The following IQCM variants were observed in gnomAD, a reference collection of about 807,000 sequenced individuals.
IQCM encodes IQ motif containing M.
Under a neutral mutation model 57.6 loss-of-function variants are expected in IQCM, and 45 were observed. That is an observed-to-expected ratio of 0.78 (90% confidence interval 0.62 to 1.00). IQCM has a LOEUF of 1.00. Among genes scored for constraint, IQCM ranks in the 50% least tolerant of loss-of-function variants. IQCM has a pLI of 0.00. For missense variants in IQCM, 468 were observed against 511.6 expected, an observed-to-expected ratio of 0.91 and a Z score of 0.82; for synonymous variants, 148 against 158.9, an observed-to-expected ratio of 0.93 and a Z score of 0.51.
At chr4:149,626,266 C>G (rs1032448058) in intron 7 of IQCM, among the ~76,000 whole-genome samples, 5 of 151,800 alleles carry the variant, frequency 3.3e-5, no homozygotes, top group Non-Finnish European at 7.4e-5. Context: ...TTCCTGCCCT[C>G]GAACATCAGA....
rs1234243205 is a variant in IQCM, at chr4:149,565,140, A to C, written c.750-1250T>G. Reference sequence around the variant, plus strand: ...TCCACTGACTGAGATGCCCAGGTCAATTCATTCACCAGGGCTGAGTCTTGC... The same window carrying C: ...TCCACTGACTGAGATGCCCAGGTCACTTCATTCACCAGGGCTGAGTCTTGC... On this transcript the variant is annotated intron_variant, in intron 9 of 13. Transcript: ENST00000636793. 2.0e-5 allele frequency among the ~76,000 whole-genome samples: 3 copies of C among 152,108 alleles called. No individual in the cohort carries two copies. In the East Asian group the frequency reaches 5.8e-4, roughly 29 times the overall value.
At chr4:149,606,176 G>A (rs1754759349) in intron 8 of IQCM, among the ~76,000 whole-genome samples, 1 of 151,974 alleles carries the variant, frequency 6.6e-6, no homozygotes, top group Non-Finnish European at 1.5e-5. Context: ...CCTGCATAAT[G>A]CCATTTGTGA....
chr4:149,536,692 C>T (rs970672535), intron 12 of IQCM, among the ~76,000 whole-genome samples: 1 of 151,798 alleles, frequency 6.6e-6, no homozygotes, highest in Admixed American at 6.6e-5. Context: ...ATTAAGTGTT[C>T]AAAATATATT....
At chr4:149,617,927 C>T (rs1755945353) in intron 8 of IQCM, among the ~76,000 whole-genome samples, 1 of 152,124 alleles carries the variant, frequency 6.6e-6, no homozygotes, top group Non-Finnish European at 1.5e-5. Flanking sequence ...AATGATCATA[C>T]TGCCCAAGGC....
At chr4:149,558,365 A>G (rs1162373694) in intron 10 of IQCM, among the ~76,000 whole-genome samples, 3 of 152,170 alleles carry the variant, frequency 2.0e-5, no homozygotes, top group Non-Finnish European at 4.4e-5. Context: ...TCCTGGCCCC[A>G]AAATGCTGTT....
intron 8 of IQCM, among the ~76,000 whole-genome samples, chr4:149,615,506 T>C (rs1755708806): frequency 6.6e-6 from 1 of 152,190 alleles, no homozygotes; most frequent in South Asian, 2.1e-4. Context: ...CTGGAAATTC[T>C]AATATAATTC....
At chr4:149,538,695 T>C (rs985833064) in intron 12 of IQCM, among the ~76,000 whole-genome samples, 6 of 151,914 alleles carry the variant, frequency 3.9e-5, no homozygotes, top group African/African-American at 1.4e-4. Flanking sequence ...AAGTAAGAGC[T>C]AAGTCATTAA....
chr4:149,353,347 G>T (rs979824464), intron 13 of IQCM, among the ~76,000 whole-genome samples: 1 of 152,112 alleles, frequency 6.6e-6, no homozygotes, highest in Non-Finnish European at 1.5e-5. Context: ...ATTTAGATTG[G>T]TGTAACCATT....
intron 12 of IQCM, among the ~76,000 whole-genome samples, chr4:149,468,709 C>T (rs1040369067): frequency 7.9e-5 from 12 of 152,210 alleles, no homozygotes; most frequent in African/African-American, 1.4e-4. Flanking sequence ...AGTAGCCTAA[C>T]TGGGAAACAC....
At chr4:149,398,868 G>A (rs1276258135) in intron 13 of IQCM, among the ~76,000 whole-genome samples, 2 of 151,766 alleles carry the variant, frequency 1.3e-5, no homozygotes, top group Non-Finnish European at 2.9e-5. Flanking sequence ...CACCATGCAT[G>A]GCTAGTTTTT....
At chr4:149,515,572 C>G (rs752941874) in intron 12 of IQCM, among the ~76,000 whole-genome samples, 1 of 152,140 alleles carries the variant, frequency 6.6e-6, no homozygotes, top group Non-Finnish European at 1.5e-5. Context: ...TGGTTCTGCA[C>G]GATATGCAGG....
In IQCM at chr4:149,565,827, C is replaced by T. The variant is rs534381798; in HGVS notation, c.750-1937G>A. Among the ~76,000 whole-genome samples, 75 of 152,148 alleles carry T rather than the reference C, an allele frequency of 4.9e-4. No homozygotes were observed. The Middle Eastern group carries it at 0.014, about 28-fold the overall frequency. On this transcript the variant is annotated intron_variant, in intron 9 of 13. Transcript: ENST00000636793. ...AAAAGTCATTTTCTTCTTTGCAAAA[C>T]GAAATAAATTAGCCTTGTACAATAT... is the stretch of plus-strand genomic sequence containing the variant.
At chr4:149,502,499 C>A (rs1743355455) in intron 12 of IQCM, among the ~76,000 whole-genome samples, 1 of 152,018 alleles carries the variant, frequency 6.6e-6, no homozygotes, top group South Asian at 2.1e-4. Flanking sequence ...GAGACCCTGT[C>A]TCTGCAAACA....
intron 2 of IQCM, among the ~76,000 whole-genome samples, chr4:149,778,997 T>C (rs1178502194): frequency 6.6e-6 from 1 of 152,008 alleles, no homozygotes; most frequent in Non-Finnish European, 1.5e-5. Flanking sequence ...ATTTTACTAA[T>C]CCAGTAAAAC....
chr4:149,451,638 T>A (rs1021848050), intron 12 of IQCM, among the ~76,000 whole-genome samples: 2 of 151,784 alleles, frequency 1.3e-5, no homozygotes, highest in African/African-American at 4.8e-5. Flanking sequence ...CATCATGTTA[T>A]TTAACCACAT....
At chr4:149,615,166 C>T (rs1467584252) in intron 8 of IQCM, among the ~76,000 whole-genome samples, 8 of 151,946 alleles carry the variant, frequency 5.3e-5, no homozygotes, top group African/African-American at 1.9e-4. Context: ...CAATCCCCTA[C>T]ATTATATGTT....
intron 12 of IQCM, among the ~76,000 whole-genome samples, chr4:149,526,643 T>C (rs965501081): frequency 2.0e-5 from 3 of 152,120 alleles, no homozygotes; most frequent in Middle Eastern, 3.4e-3. Flanking sequence ...TGTATAAATA[T>C]ACTATAATGA....
chr4:149,468,294 A>G (rs1458786192), intron 12 of IQCM, among the ~76,000 whole-genome samples: 1 of 152,166 alleles, frequency 6.6e-6, no homozygotes, highest in Non-Finnish European at 1.5e-5. Context: ...GTGCTTTTCC[A>G]ATGGCCTTAG....
chr4:149,671,702 A>G (rs1256872285), intron 7 of IQCM, among the ~76,000 whole-genome samples: 1 of 152,142 alleles, frequency 6.6e-6, no homozygotes, highest in Non-Finnish European at 1.5e-5. Flanking sequence ...GGTTTCAAAG[A>G]ACATCTTTAT....
Sources: allele counts gnomAD v4.1 joint callset (sites outside exome capture counted in the v4.1 genomes callset), GRCh38; gene constraint gnomAD v4.1.1; transcripts MANE v1.5; gene names NCBI Gene and HGNC (gene_info 2026-07-23, HGNC 2026-07-21).